HEATR1: variants seen among roughly 807,000 people sequenced by gnomAD.
HEATR1 encodes HEAT repeat-containing protein 1.
In HEATR1, 77 loss-of-function variants were observed where a neutral mutation model predicts 248.2. That is an observed-to-expected ratio of 0.31 (90% CI 0.26 to 0.37). HEATR1 has a LOEUF of 0.37. Ranked by LOEUF, HEATR1 falls within the 10% of genes least tolerant of loss-of-function variation. The pLI is 1.00. For synonymous variants in HEATR1, 897 were observed against 923.1 expected (o/e 0.97, Z 0.51); for missense variants, 2,420 against 2,504.9 (o/e 0.97, Z 0.72).
At chr1:236,598,672 C>T (rs1481351762) in intron 4 of HEATR1, among the ~76,000 whole-genome samples, 1 of 152,162 alleles carries the variant, frequency 6.6e-6, no homozygotes, top group East Asian at 1.9e-4. Context: ...AATTCTCCTT[C>T]TAATTAAAAA....
Position 236,596,862 on chromosome 1 carries a change from C to T in HEATR1, c.718G>A (p.Ala240Thr), listed in dbSNP as rs371395131. Residue 240 changes from alanine to threonine, a missense_variant, in exon 6 of 45, where the codon GCC becomes ACC. By Grantham distance (58) the Ala-to-Thr change is moderately conservative. Transcript: ENST00000366582. ...TTTTGGATATAGGGAAATAGTTTGGCGATGATATTGTCTGATACGTCCTCT... is the reference window on the plus strand; with the variant it reads ...TTTTGGATATAGGGAAATAGTTTGGTGATGATATTGTCTGATACGTCCTCT... ...AAEDVSDNII[A>T]KLFPYIQKGL... The T allele has an allele frequency of 2.3e-5, 37 of 1,613,330 alleles. No homozygotes were observed. Among genetic ancestry groups the T allele is most frequent in the Admixed American group, 5.0e-5 (3 of 59,842 alleles).
intron 14 of HEATR1, 28 bp downstream of exon 14, chr1:236,587,374 A>C: frequency 8.8e-7 from 1 of 1,133,782 alleles, no homozygotes; most frequent in Non-Finnish European, 1.2e-6. Context: ...ATCAATTCAA[A>C]ATAGTATGAG....
chr1:236,603,419 A>G, intron 2 of HEATR1, 43 bp from the exon 3 acceptor site: 1 of 1,516,808 alleles, frequency 6.6e-7, no homozygotes, highest in Non-Finnish European at 9.1e-7. Flanking sequence ...ATTCTTCGTA[A>G]GCAAATTCAT....
At position 236,549,087 on chromosome 1, in the gene HEATR1, G is replaced by A; in HGVS notation, c.*1815C>T. On this transcript the variant is annotated 3_prime_UTR_variant, in exon 45 of 45. Transcript: ENST00000366582. The stretch of plus-strand genomic sequence containing the variant: ...TTCATAAGGCAGGCACTATCAGAAA[G>A]TGTACGCCAACTAAGGGACCCACAA... 1 of 398,296 alleles carries A rather than the reference G, an allele frequency of 2.5e-6. No homozygotes were observed. The highest frequency in any genetic ancestry group is 4.4e-6 in the Non-Finnish European group (1 of 225,902). The allele number at this position is 398,296 out of a possible 1,614,324, so 24.7% of individuals were successfully genotyped here. A position where few individuals can be genotyped will look rare whatever the true frequency, so the allele number is the denominator to read the frequency against.
At position 236,586,260 on chromosome 1, in the gene HEATR1, T is replaced by C; in HGVS notation, c.1908A>G (p.Leu636=). ...TTTTACCTTCTTCCCAGCCTCTTAATAGAGGGTGCAGGGAGCAGATTCCTG... is the reference window on the plus strand; with the variant it reads ...TTTTACCTTCTTCCCAGCCTCTTAACAGAGGGTGCAGGGAGCAGATTCCTG... ...SKSGICSLHP[L]LRGWEEALEN... Residue 636 remains leucine (L), a synonymous_variant, in exon 15 of 45, where the codon CTA becomes CTG. Coordinates refer to ENST00000366582, the MANE Select transcript of HEATR1 (RefSeq NM_018072.6). 2 of 1,610,866 alleles carry C rather than the reference T, an allele frequency of 1.2e-6. No individual in the cohort carries two copies. Among genetic ancestry groups the C allele is most frequent in the South Asian group, 1.1e-5 (1 of 90,682 alleles).
chr1:236,586,480 G>C (rs776447794), intron 14 of HEATR1, 28 bp from the exon 15 acceptor site: 21 of 1,522,080 alleles, frequency 1.4e-5, no homozygotes, highest in East Asian at 2.3e-5. Flanking sequence ...ACACTTGGTT[G>C]AAAGACACAT....
chr1:236,590,371 C>T (rs780342307), intron 12 of HEATR1, among the ~76,000 whole-genome samples: 5 of 151,982 alleles, frequency 3.3e-5, no homozygotes, highest in Admixed American at 6.6e-5. Flanking sequence ...GGGACCAAAG[C>T]GTGTGCCACC....
At chr1:236,602,091 A>G (rs1664341183) in intron 3 of HEATR1, among the ~76,000 whole-genome samples, 1 of 152,026 alleles carries the variant, frequency 6.6e-6, no homozygotes, top group Non-Finnish European at 1.5e-5. Context: ...GTGAGATGAG[A>G]TCGTGCCACT....
Position 236,594,100 on chromosome 1 carries a change from C to T in HEATR1, c.1105G>A (p.Gly369Arg). Residue 369 changes from glycine (G) to arginine (R), a missense_variant, in exon 9 of 45, where the codon GGA (glycine) becomes AGA (arginine). Physicochemically the swap from Gly to Arg is moderately radical, Grantham distance 125 (BLOSUM62 -2). Transcript: ENST00000366582. The part of the protein sequence containing the change: ...IHHVTGEETE[G>R]MDGQIYKRHL... The stretch of plus-strand genomic sequence containing the variant: ...CTCTTGTAGATTTGACCATCCATTC[C>T]TTCAGTTTCTTCTCCTTAATATGTA... 6.3e-7 allele frequency: 1 copy of T among 1,584,532 alleles called. No homozygotes were observed. Among genetic ancestry groups the T allele is most frequent in the Non-Finnish European group, 8.6e-7 (1 of 1,165,102 alleles).
chr1:236,604,255 C>G (rs1049898872), intron 1 of HEATR1, 128 bp from the exon 2 acceptor site: 1 of 646,732 alleles, frequency 1.5e-6, no homozygotes, highest in Non-Finnish European at 2.4e-6. Flanking sequence ...TTGTGGACCC[C>G]GGAGATGCAA....
rs770257209 is a variant in HEATR1, at chr1:236,604,128, C to CT, written c.-32-2dup. 4 of 1,536,778 alleles carry CT rather than the reference C, an allele frequency of 2.6e-6. No homozygotes were observed. The highest frequency in any genetic ancestry group is 2.6e-6 in the Non-Finnish European group (3 of 1,150,166). On this transcript the variant is annotated splice_acceptor_variant, in intron 1 of 44. Transcript: ENST00000366582. LOFTEE classifies it low-confidence loss of function (5UTR_SPLICE). ...GCCAGCGGAGTTTTAATGACACGGGCTAAAAAAACGTAAGCACTTTGATAA... is the reference window on the plus strand; with the variant it reads ...GCCAGCGGAGTTTTAATGACACGGGCTTAAAAAAACGTAAGCACTTTGATAA...
Position 236,585,228 on chromosome 1 carries a change from A to G in HEATR1, c.2050-12T>C. Reference sequence around the variant, plus strand: ...ATTAAATCCTCCACCTTGAAAAATAAACACACTCTATTACCAGTTGCTCTT... The same window carrying G: ...ATTAAATCCTCCACCTTGAAAAATAGACACACTCTATTACCAGTTGCTCTT... On this transcript the variant is annotated splice_polypyrimidine_tract_variant and intron_variant, in intron 16 of 44. Coordinates refer to ENST00000366582, the MANE Select transcript of HEATR1 (RefSeq NM_018072.6). 6.2e-7 allele frequency: 1 copy of G among 1,601,496 alleles called. No homozygotes were observed. The highest frequency in any genetic ancestry group is 8.5e-7 in the Non-Finnish European group (1 of 1,174,996).
intron 24 of HEATR1, 129 bp downstream of exon 24, chr1:236,574,073 C>T (rs1663501243): frequency 2.8e-6 from 2 of 708,578 alleles, no homozygotes; most frequent in South Asian, 4.4e-5. Flanking sequence ...CTTACTTTTC[C>T]ATGATTTTTG....
chr1:236,588,714 A>C (rs182650787), intron 12 of HEATR1, among the ~76,000 whole-genome samples: 1 of 152,246 alleles, frequency 6.6e-6, no homozygotes, highest in African/African-American at 2.4e-5. Context: ...TAGGACTGCT[A>C]ATCAACCTGA....
chr1:236,579,953 CA>C (rs748872560), intron 20 of HEATR1, among the ~76,000 whole-genome samples: 125 of 149,880 alleles, frequency 8.3e-4, no homozygotes, highest in African/African-American at 2.9e-3. Flanking sequence ...AGAAACAAAA[CA>C]AAAAAAAACC....
Position 236,555,956 on chromosome 1 carries a change from A to C in HEATR1, c.5515-17T>G. 1 of 1,613,322 alleles carries C rather than the reference A, an allele frequency of 6.2e-7. No individual in the cohort carries two copies. The highest frequency in any genetic ancestry group is 8.5e-7 in the Non-Finnish European group (1 of 1,179,186). On this transcript the variant is annotated splice_polypyrimidine_tract_variant and intron_variant, in intron 38 of 44. Coordinates refer to ENST00000366582, the MANE Select transcript of HEATR1 (RefSeq NM_018072.6). ...CATGTGATTCTACCAATAACACAGG[A>C]AAGAGATGTGCCATTTTCAAATGAT...
chr1:236,574,224 G>A lies in HEATR1; in HGVS notation c.3437C>T (p.Thr1146Ile), dbSNP rs1351035218. 1.2e-6 allele frequency: 2 copies of A among 1,610,486 alleles called. No individual in the cohort carries two copies. The highest frequency in any genetic ancestry group is 1.7e-6 in the Non-Finnish European group (2 of 1,179,026). Residue 1146 changes from threonine (T) to isoleucine (I), a missense_variant, in exon 24 of 45, where the codon ACT (threonine) becomes ATT (isoleucine). By Grantham distance (89) the Thr-to-Ile change is moderately conservative. Transcript: ENST00000366582. Reference sequence around the variant, plus strand: ...TACCCCTTTAAAAACACTGCTGACAGTCTGAGCACAATGTGAGTTTTTACA... The same window carrying A: ...TACCCCTTTAAAAACACTGCTGACAATCTGAGCACAATGTGAGTTTTTACA... Reference protein sequence around the residue: ...VNCKNSHCAQTVSSVFKGISV... With the variant: ...VNCKNSHCAQIVSSVFKGISV...
chr1:236,555,698 CTG>C (rs763523999), intron 39 of HEATR1, 43 bp from the exon 40 acceptor site: 9 of 1,607,958 alleles, frequency 5.6e-6, no homozygotes, highest in African/African-American at 5.4e-5. Context: ...TGATACCTGA[CTG>C]TAAATTATTT....
rs1260688943 is a variant in HEATR1, at chr1:236,572,289, G to C, written c.3707+122C>G. 57 of 1,130,772 alleles carry C rather than the reference G, an allele frequency of 5.0e-5. 1 individual carries two copies. Among genetic ancestry groups the C allele is most frequent in the African/African-American group, 1.6e-5 (1 of 63,810 alleles). 70.0% of individuals were successfully genotyped at this position (1,130,772 alleles called of 1,614,324 possible). ...AACCAATCTTTTAATTTCACCTATA[G>C]TACTTGCTTTATTTTACAGACTATC... On this transcript the variant is annotated intron_variant, in intron 26 of 44. Coordinates refer to ENST00000366582, the MANE Select transcript of HEATR1 (RefSeq NM_018072.6).
Sources: allele counts gnomAD v4.1 joint callset (sites outside exome capture counted in the v4.1 genomes callset), GRCh38; gene constraint gnomAD v4.1.1; transcripts MANE v1.5; gene names NCBI Gene and HGNC (gene_info 2026-07-23, HGNC 2026-07-21).